The following SHISA9 variants were observed in gnomAD, a reference collection of about 807,000 sequenced individuals.
The protein encoded by SHISA9 is shisa family member 9, also known as protein shisa-9.
In SHISA9, 13 loss-of-function variants were observed where a neutral mutation model predicts 38.0. The ratio of observed to expected loss-of-function variants is 0.34; its 90% CI spans 0.22 to 0.54. The LOEUF is 0.54. Ranked by LOEUF, SHISA9 falls within the 20% of genes least tolerant of loss-of-function variation. The pLI, the probability that SHISA9 is intolerant of heterozygous loss-of-function variation, is 0.91. For synonymous variants in SHISA9, 275 were observed against 242.0 expected, an observed-to-expected ratio of 1.14 and a Z score of -1.27; for missense variants, 538 against 575.8, an observed-to-expected ratio of 0.93 and a Z score of 0.67.
chr16:13,000,622 C>T (rs1003078416), intron 2 of SHISA9, among the ~76,000 whole-genome samples: 8 of 152,142 alleles, frequency 5.3e-5, no homozygotes, highest in African/African-American at 1.4e-4. Context: ...CATCCACATC[C>T]GCAGGCAGAA....
the SHISA9 span, among the ~76,000 whole-genome samples, chr16:13,380,179 T>C: frequency 6.6e-6 from 1 of 151,886 alleles, no homozygotes; most frequent in African/African-American, 2.4e-5. Context: ...GAAGAGGGAT[T>C]ACAGAGGAAA....
intron 2 of SHISA9, among the ~76,000 whole-genome samples, chr16:13,143,895 A>G (rs974068913): frequency 2.0e-5 from 3 of 152,216 alleles, no homozygotes; most frequent in African/African-American, 7.2e-5. Flanking sequence ...CACCATGATC[A>G]TTGGAAAATC....
At chr16:13,123,349 A>G (rs993143798) in intron 2 of SHISA9, among the ~76,000 whole-genome samples, 13 of 152,262 alleles carry the variant, frequency 8.5e-5, no homozygotes, top group African/African-American at 2.9e-4. Flanking sequence ...GGCTTGGGCC[A>G]TGGGTGGCAA....
the SHISA9 span, among the ~76,000 whole-genome samples, chr16:13,452,389 C>CT: frequency 6.6e-6 from 1 of 152,256 alleles, no homozygotes; most frequent in East Asian, 1.9e-4. Flanking sequence ...TTCCAGTGTT[C>CT]TTTTTTTGTT....
rs574117365 is a variant in SHISA9, at chr16:13,206,429, C to G, written c.847+2880C>G. 1.2e-3 allele frequency among the ~76,000 whole-genome samples: 188 copies of G among 152,126 alleles called. 3 individuals carry two copies. The highest frequency in any genetic ancestry group is 1.4e-3 in the Non-Finnish European group (96 of 68,026). On this transcript the variant is annotated intron_variant, in intron 3 of 4. Transcript: ENST00000558583. ...TGCTAATCCTGTTATAAACTAACACCAGAACCCAAAGCACTGACACAACCA... is the reference window on the plus strand; with the variant it reads ...TGCTAATCCTGTTATAAACTAACACGAGAACCCAAAGCACTGACACAACCA...
chr16:13,019,935 CTTTCTTTCTTTCTTTCTT>C (rs2072824336), intron 2 of SHISA9, among the ~76,000 whole-genome samples: 2 of 92,102 alleles, frequency 2.2e-5, no homozygotes, highest in Admixed American at 1.2e-4. Context: ...TTCTTTCTTT[CTTTCTTTCTTTCTTTCTT>C]TCTTTCCCTC....
At chr16:12,936,559 G>A (rs747728988) in intron 2 of SHISA9, among the ~76,000 whole-genome samples, 2 of 152,212 alleles carry the variant, frequency 1.3e-5, no homozygotes, top group African/African-American at 4.8e-5. Flanking sequence ...CTCAAAGTGA[G>A]ATGGGAGACA....
the SHISA9 span, among the ~76,000 whole-genome samples, chr16:13,443,175 A>C: frequency 1.3e-5 from 2 of 152,220 alleles, no homozygotes; most frequent in Non-Finnish European, 2.9e-5. Context: ...CAGGAATCCA[A>C]CTGTACCAAA....
chr16:13,256,983 CA>C, the SHISA9 span, among the ~76,000 whole-genome samples: 1 of 152,164 alleles, frequency 6.6e-6, no homozygotes. Flanking sequence ...CTCTGATGTT[CA>C]TCTATGCCAA....
the SHISA9 span, among the ~76,000 whole-genome samples, chr16:13,441,720 C>T: frequency 6.6e-6 from 1 of 152,216 alleles, no homozygotes; most frequent in African/African-American, 2.4e-5. Context: ...GTCTCATTCA[C>T]TGGCTCTGGG....
At chr16:13,491,363 A>G in the SHISA9 span, among the ~76,000 whole-genome samples, 1 of 150,504 alleles carries the variant, frequency 6.6e-6, no homozygotes, top group Non-Finnish European at 1.5e-5. Flanking sequence ...TCAAGGAATA[A>G]TTATTTACTT....
the SHISA9 span, among the ~76,000 whole-genome samples, chr16:13,451,094 G>A: frequency 7.9e-4 from 120 of 152,170 alleles, no homozygotes; most frequent in African/African-American, 2.9e-3. Flanking sequence ...CCTGCTTCCC[G>A]GGAACAGCCC....
rs576345143 is a variant in SHISA9 at position 13,029,702 on chromosome 16, A to G, written c.691+112887A>G. ...TAAGTGAAATAAACCAGGCACAGAAAGGCAGACATAATGTGTTCTCACTTA... is the reference window on the plus strand; with the variant it reads ...TAAGTGAAATAAACCAGGCACAGAAGGGCAGACATAATGTGTTCTCACTTA... On this transcript the variant is annotated intron_variant, in intron 2 of 4. Transcript: ENST00000558583. 5.3e-5 allele frequency among the ~76,000 whole-genome samples: 8 copies of G among 152,368 alleles called. No homozygotes were observed. In the East Asian group the frequency reaches 7.7e-4, roughly 15 times the overall value.
At chr16:13,021,438 G>C (rs1035709534) in intron 2 of SHISA9, among the ~76,000 whole-genome samples, 1 of 152,170 alleles carries the variant, frequency 6.6e-6, no homozygotes, top group Admixed American at 6.5e-5. Flanking sequence ...AAGCCGAAGA[G>C]TCTCCCATGC....
the SHISA9 span, among the ~76,000 whole-genome samples, chr16:13,271,688 T>C: frequency 1.3e-5 from 2 of 151,936 alleles, no homozygotes; most frequent in Non-Finnish European, 2.9e-5. Context: ...TCTGGAAAGG[T>C]AGAAACAGAA....
At chr16:13,155,769 T>G (rs150081) in intron 2 of SHISA9, among the ~76,000 whole-genome samples, 1 of 152,004 alleles carries the variant, frequency 6.6e-6, no homozygotes, top group Non-Finnish European at 1.5e-5. Context: ...TCCATGATAT[T>G]ATTTGCTTCT....
At chr16:13,252,874 C>A in the SHISA9 span, among the ~76,000 whole-genome samples, 3 of 152,108 alleles carry the variant, frequency 2.0e-5, no homozygotes, top group Admixed American at 6.5e-5. Flanking sequence ...ATACAGTTGA[C>A]CCTTGAACAA....
At chr16:12,943,663 C>T (rs2141763300) in intron 2 of SHISA9, among the ~76,000 whole-genome samples, 1 of 152,202 alleles carries the variant, frequency 6.6e-6, no homozygotes, top group South Asian at 2.1e-4. Flanking sequence ...TCAGATTGAG[C>T]TCTGGAATGT....
intron 2 of SHISA9, among the ~76,000 whole-genome samples, chr16:13,009,654 C>G (rs2072645724): frequency 6.6e-6 from 1 of 152,158 alleles, no homozygotes; most frequent in Non-Finnish European, 1.5e-5. Context: ...GTCTCAAACA[C>G]ACACTAAAAC....
Sources: allele counts gnomAD v4.1 joint callset (sites outside exome capture counted in the v4.1 genomes callset), GRCh38; gene constraint gnomAD v4.1.1; transcripts MANE v1.5; gene names NCBI Gene and HGNC (gene_info 2026-07-23, HGNC 2026-07-21).